CEP128: variants seen among roughly 807,000 people sequenced by gnomAD.
The protein encoded by CEP128 is centrosomal protein 128kDa.
CEP128 carries 132 observed loss-of-function variants against 156.7 expected under a neutral mutation model. The observed-to-expected ratio is 0.84, with a 90% CI of 0.73 to 0.97. The LOEUF (loss-of-function observed/expected upper bound fraction) is 0.97. Among genes scored for constraint, CEP128 ranks in the 50% least tolerant of loss-of-function variants. The pLI is 0.00. For missense variants in CEP128, 1,252 were observed against 1,281.9 expected, an observed-to-expected ratio of 0.98 and a Z score of 0.36; for synonymous variants, 469 against 448.9, an observed-to-expected ratio of 1.04 and a Z score of -0.57.
At position 80,914,360 on chromosome 14, in the gene CEP128, G is replaced by A. The variant is rs116230453; in HGVS notation, c.196C>T (p.Arg66Ter). The A allele has an allele frequency of 1.2e-5, 20 of 1,613,554 alleles. No individual in the cohort carries two copies. The highest frequency in any genetic ancestry group is 3.3e-5 in the Admixed American group (2 of 59,984). ...RQVDQMLGRY[R>*]EYSNGQAGAI... is the part of the protein sequence containing the mutation. ...CCCGCCTGTCCATTACTGTATTCTC[G>A]GTATCGTCCAAGCATCTGGTCCACT... is the stretch of plus-strand genomic sequence containing the variant. The change falls in exon 4 of 25, where the codon CGA becomes TGA. Residue 66 changes from arginine (R) to a stop codon, truncating the protein, a stop_gained. Coordinates refer to ENST00000555265, the MANE Select transcript of CEP128 (RefSeq NM_152446.5). LOFTEE classifies it high-confidence loss of function.
chr14:80,752,391 T>A (rs1899440716), intron 18 of CEP128, among the ~76,000 whole-genome samples: 2 of 152,202 alleles, frequency 1.3e-5, no homozygotes, highest in South Asian at 4.1e-4. Flanking sequence ...ACCTTTTCAC[T>A]AAGTTATAAA....
At chr14:80,912,539 T>C (rs1387667512) in intron 4 of CEP128, among the ~76,000 whole-genome samples, 3 of 152,332 alleles carry the variant, frequency 2.0e-5, no homozygotes, top group East Asian at 3.8e-4. Flanking sequence ...CCATTATTAA[T>C]AAGGTAATGA....
intron 19 of CEP128, among the ~76,000 whole-genome samples, chr14:80,700,168 C>G (rs1897025341): frequency 6.6e-6 from 1 of 152,154 alleles, no homozygotes; most frequent in African/African-American, 2.4e-5. Context: ...CATGCTTCAG[C>G]AGGCACAGGA....
chr14:80,779,411 A>G (rs958002149), intron 15 of CEP128, among the ~76,000 whole-genome samples: 1 of 152,246 alleles, frequency 6.6e-6, no homozygotes, highest in African/African-American at 2.4e-5. Flanking sequence ...CTATATTCAC[A>G]GCCCAAAATA....
chr14:80,883,181 A>G (rs1888631530), intron 8 of CEP128, among the ~76,000 whole-genome samples: 1 of 152,074 alleles, frequency 6.6e-6, no homozygotes, highest in Admixed American at 6.6e-5. Context: ...CATGCCTACT[A>G]CCTACCCGCA....
intron 19 of CEP128, among the ~76,000 whole-genome samples, chr14:80,612,343 T>C: frequency 6.6e-6 from 1 of 152,116 alleles, no homozygotes; most frequent in East Asian, 1.9e-4. Context: ...AATGAAAGGA[T>C]GAAAATGAAG....
intron 23 of CEP128, among the ~76,000 whole-genome samples, chr14:80,511,802 T>C (rs1388850626): frequency 6.6e-6 from 1 of 152,086 alleles, no homozygotes; most frequent in Non-Finnish European, 1.5e-5. Context: ...CCATTTTCAT[T>C]TGTTTCAAGT....
At position 80,796,705 on chromosome 14, in the gene CEP128, G is replaced by A. The variant is rs114332245; in HGVS notation, c.1210-3595C>T. Among the ~76,000 whole-genome samples the A allele has an allele frequency of 5.6e-3, 844 of 152,030 alleles. 8 individuals are homozygous for A. The highest frequency in any genetic ancestry group is 0.02 in the African/African-American group (810 of 41,428). ...ATCATCCCACCTACACAATACCCTC[G>A]GTAGATGAGTATTTAGGTAGACAGA... On this transcript the variant is annotated intron_variant, in intron 13 of 24. Transcript: ENST00000555265.
At chr14:80,935,984 C>G (rs1885785949) in intron 2 of CEP128, among the ~76,000 whole-genome samples, 1 of 152,188 alleles carries the variant, frequency 6.6e-6, no homozygotes. Flanking sequence ...ACAGACATCT[C>G]TATTCCATAA....
At chr14:80,589,200 T>TA (rs1331030018) in intron 19 of CEP128, among the ~76,000 whole-genome samples, 1 of 152,040 alleles carries the variant, frequency 6.6e-6, no homozygotes, top group African/African-American at 2.4e-5. Flanking sequence ...CTTCAGAGAA[T>TA]AAGGCAGCCC....
chr14:80,904,923 G>T lies in CEP128; in HGVS notation c.370C>A (p.His124Asn). 1.3e-6 allele frequency: 2 copies of T among 1,568,262 alleles called. No homozygotes were observed. Among genetic ancestry groups the T allele is most frequent in the Non-Finnish European group, 1.8e-6 (2 of 1,138,318 alleles). Reference sequence around the variant, plus strand: ...TTGAGAGGTGAGGTAGGTGGAAAATGATGGAGCTCTTCACAAGTGAAAGAA... The same window carrying T: ...TTGAGAGGTGAGGTAGGTGGAAAATTATGGAGCTCTTCACAAGTGAAAGAA... ...LDGGTGSELH[H>N]FPPTSPLKDY... The change falls in exon 6 of 25, where the codon CAT (histidine) becomes AAT (asparagine). Residue 124 changes from histidine (H) to asparagine (N), a missense_variant. Transcript: ENST00000555265.
At chr14:80,919,007 T>C (rs1248113158) in intron 2 of CEP128, among the ~76,000 whole-genome samples, 1 of 152,180 alleles carries the variant, frequency 6.6e-6, no homozygotes. Flanking sequence ...AGCATAATAA[T>C]TTTCATTTTA....
chr14:80,935,936 C>G (rs1423050336), intron 2 of CEP128, among the ~76,000 whole-genome samples: 1 of 152,196 alleles, frequency 6.6e-6, no homozygotes, highest in Non-Finnish European at 1.5e-5. Flanking sequence ...CAAAAGTTAA[C>G]TTGCCCAAAC....
intron 19 of CEP128, among the ~76,000 whole-genome samples, chr14:80,612,118 G>A (rs1367499958): frequency 6.6e-6 from 1 of 152,114 alleles, no homozygotes; most frequent in Admixed American, 6.6e-5. Flanking sequence ...TAATAGGACA[G>A]CAATGCTGTA....
chr14:80,544,225 C>CT (rs1303286249), intron 21 of CEP128, among the ~76,000 whole-genome samples: 1 of 152,134 alleles, frequency 6.6e-6, no homozygotes, highest in East Asian at 1.9e-4. Context: ...CATTAGCCAT[C>CT]TTTTTTTCCC....
chr14:80,789,080 A>G (rs569613955), intron 14 of CEP128, among the ~76,000 whole-genome samples: 28 of 151,052 alleles, frequency 1.9e-4, no homozygotes, highest in African/African-American at 6.9e-4. Flanking sequence ...GTTAAGGAGA[A>G]GGAGTGGAAA....
At chr14:80,557,713 A>C (rs1238020664) in intron 21 of CEP128, among the ~76,000 whole-genome samples, 1 of 152,192 alleles carries the variant, frequency 6.6e-6, no homozygotes. Flanking sequence ...TCGTCAATCA[A>C]AATCACTTGC....
In CEP128 at chr14:80,742,915, G is replaced by A. The variant is rs1425865498; in HGVS notation, c.2806+160C>T. 44 of 630,522 alleles carry A rather than the reference G, an allele frequency of 7.0e-5. No individual in the cohort carries two copies. The East Asian group carries it at 9.8e-4, about 14-fold the overall frequency. The allele number at this position is 630,522 out of a possible 1,614,324, so 39.1% of individuals were successfully genotyped here. A position where few individuals can be genotyped will look rare whatever the true frequency, so the allele number is the denominator to read the frequency against. On this transcript the variant is annotated intron_variant, in intron 19 of 24. Transcript: ENST00000555265. ...TGTGGCTGAAGAATTTTCTCTTCTC[G>A]TCCCAGAAATGAAGAAAGATAAGAA...
chr14:80,848,181 A>G (rs1183008307), intron 9 of CEP128, among the ~76,000 whole-genome samples: 3 of 152,194 alleles, frequency 2.0e-5, no homozygotes, highest in Admixed American at 6.5e-5. Context: ...ATGATAGTCA[A>G]TAAGGGCTTT....
Sources: allele counts gnomAD v4.1 joint callset (sites outside exome capture counted in the v4.1 genomes callset), GRCh38; gene constraint gnomAD v4.1.1; transcripts MANE v1.5; gene names NCBI Gene and HGNC (gene_info 2026-07-23, HGNC 2026-07-21).